The following ZNF217 variants were observed in gnomAD, a reference collection of about 807,000 sequenced individuals.
The protein encoded by ZNF217 is zinc finger protein 217.
A neutral mutation model predicts 73.3 loss-of-function variants in ZNF217; 12 were observed. That is an observed-to-expected ratio of 0.16 (90% confidence interval 0.10 to 0.27). The LOEUF (loss-of-function observed/expected upper bound fraction) is 0.27. ZNF217 is among the 10% of genes least tolerant of loss of function. The pLI, the probability that ZNF217 is intolerant of heterozygous loss-of-function variation, is 1.00. For missense variants in ZNF217, 1,195 were observed against 1,327.8 expected (o/e 0.90, Z 1.55); for synonymous variants, 588 against 516.4 (o/e 1.14, Z -1.88).
intron 4 of ZNF217, chr20:53,575,398 A>C: frequency 5.1e-6 from 1 of 196,982 alleles, no homozygotes; most frequent in Non-Finnish European, 1.0e-5. Flanking sequence ...TCTTGAACTC[A>C]GGAATTCAAG....
rs766744159 is a variant in ZNF217 at position 53,581,570 on chromosome 20, C to T, written c.1257G>A (p.Thr419=). The change falls in exon 2 of 6, where the codon ACG becomes ACA. Residue 419 remains threonine, a synonymous_variant. Transcript: ENST00000371471. This position sits in a 1 kb window ranked among gnomAD's most constrained non-coding sequence, Gnocchi z 4.9. ...GAGGGGCGGCGAGGTCAGGAGAACACGTCCCCGGCTGCCTCCCGTCCACAG... is the reference window on the plus strand; with the variant it reads ...GAGGGGCGGCGAGGTCAGGAGAACATGTCCCCGGCTGCCTCCCGTCCACAG... The part of the protein sequence containing the change: ...TMSVDGRQPG[T]CSPDLAAPLD... 8 of 1,614,246 alleles carry T rather than the reference C, an allele frequency of 5.0e-6. No homozygotes were observed. The highest frequency in any genetic ancestry group is 3.3e-5 in the South Asian group (3 of 91,086).
Position 53,581,675 on chromosome 20 carries a change from G to A in ZNF217, c.1152C>T (p.Phe384=), listed in dbSNP as rs747850683. 1.2e-6 allele frequency: 2 copies of A among 1,614,256 alleles called. No individual in the cohort carries two copies. The highest frequency in any genetic ancestry group is 8.5e-7 in the Non-Finnish European group (1 of 1,180,044). Residue 384 remains phenylalanine (F), a synonymous_variant, in exon 2 of 6, where the codon TTC becomes TTT. Coordinates refer to ENST00000371471, the MANE Select transcript of ZNF217 (RefSeq NM_006526.3). This position sits in a 1 kb window ranked among gnomAD's most constrained non-coding sequence, Gnocchi z 4.9. ...GCAAGACCAGCTGGTGGTAGGTTCT[G>A]AAAGCTTTGCCGCACTCGGAGCAGT... ...PTHCSECGKA[F]RTYHQLVLHS... is the part of the protein sequence containing the mutation.
chr20:53,587,596 A>G (rs971901361), intron 1 of ZNF217, among the ~76,000 whole-genome samples: 21 of 152,152 alleles, frequency 1.4e-4, no homozygotes, highest in Non-Finnish European at 2.2e-4. Flanking sequence ...ACACAGAAAA[A>G]TTATATTTAT....
intron 1 of ZNF217, among the ~76,000 whole-genome samples, chr20:53,585,452 T>G (rs6022602): frequency 0.018 from 2,722 of 152,166 alleles, 97 homozygotes; most frequent in African/African-American, 0.062. Context: ...CCCAGCTATT[T>G]GGGAATCACT....
chr20:53,591,706 C>G (rs2145982270), intron 1 of ZNF217, among the ~76,000 whole-genome samples: 1 of 152,324 alleles, frequency 6.6e-6, no homozygotes, highest in African/African-American at 2.4e-5. Flanking sequence ...ATTAAGTAAG[C>G]ACAAACTAGT....
chr20:53,577,165 G>T lies in ZNF217; in HGVS notation c.1599C>A (p.Val533=), dbSNP rs1988314525. 6.2e-7 allele frequency: 1 copy of T among 1,613,866 alleles called. No individual in the cohort carries two copies. Among genetic ancestry groups the T allele is most frequent in the Non-Finnish European group, 8.5e-7 (1 of 1,180,042 alleles). The change falls in exon 4 of 6, where the codon GTC becomes GTA. Residue 533 remains valine, a synonymous_variant. Transcript: ENST00000371471. ...TGTCCTGATTTTTACCATCGTTCTT[G>T]ACTTCAGCAGCAACATCGGTTTGTT... ...KEKQTDVAAE[V]KNDGKNQDTE...
rs757318330 is a variant in ZNF217 at position 53,582,535 on chromosome 20, G to A, written c.292C>T (p.Leu98Phe). Reference sequence around the variant, plus strand: ...CTGAGATACTCTGCTTCAACCCGAAGAACTGCTGGTTCACAGAGGGTAGGC... The same window carrying A: ...CTGAGATACTCTGCTTCAACCCGAAAAACTGCTGGTTCACAGAGGGTAGGC... ...HRPTLCEPAV[L>F]RVEAEYLSPL... is the part of the protein sequence containing the mutation. The change falls in exon 2 of 6, where the codon CTT (leucine) becomes TTT (phenylalanine). Residue 98 changes from leucine (L) to phenylalanine (F), a missense_variant. By Grantham distance (22) the Leu-to-Phe change is conservative. Coordinates refer to ENST00000371471, the MANE Select transcript of ZNF217 (RefSeq NM_006526.3). The surrounding 1 kb of genome is among the most constrained non-coding windows in gnomAD (Gnocchi z 4.8). 1.2e-6 allele frequency: 2 copies of A among 1,614,186 alleles called. No individual in the cohort carries two copies. The highest frequency in any genetic ancestry group is 1.7e-6 in the Non-Finnish European group (2 of 1,180,044).
rs1409775736 is a variant in ZNF217 at position 53,567,831 on chromosome 20, T to A, written c.*1457A>T. 1 of 152,108 alleles carries A rather than the reference T, an allele frequency of 6.6e-6. No homozygotes were observed. Among genetic ancestry groups the A allele is most frequent in the East Asian group, 1.9e-4 (1 of 5,190 alleles). The allele number at this position is 152,108 out of a possible 1,614,324, so 9.4% of individuals were successfully genotyped here. The stretch of plus-strand genomic sequence containing the variant: ...AGGAGGACATCTTACGTTGCATAAT[T>A]TAAAAAAAAAAAATTTTTTCTAGGA... On this transcript the variant is annotated 3_prime_UTR_variant, in exon 6 of 6. Transcript: ENST00000371471.
At position 53,568,580 on chromosome 20, in the gene ZNF217, G is replaced by A. The variant is rs1987844366; in HGVS notation, c.*708C>T. On this transcript the variant is annotated 3_prime_UTR_variant, in exon 6 of 6. Transcript: ENST00000371471. Reference sequence around the variant, plus strand: ...ACAATCTGGAGAGGCGAGGAAGAAGGTGCCTTCCCCATCTGAGATGCTCAA... The same window carrying A: ...ACAATCTGGAGAGGCGAGGAAGAAGATGCCTTCCCCATCTGAGATGCTCAA... 1.3e-5 allele frequency: 2 copies of A among 152,092 alleles called. No homozygotes were observed. Among genetic ancestry groups the A allele is most frequent in the Non-Finnish European group, 2.9e-5 (2 of 68,064 alleles). 9.4% of individuals were successfully genotyped at this position (152,092 alleles called of 1,614,324 possible). A position where few individuals can be genotyped will look rare whatever the true frequency, so the allele number is the denominator to read the frequency against.
intron 5 of ZNF217, among the ~76,000 whole-genome samples, chr20:53,571,110 G>A (rs933130509): frequency 6.6e-6 from 1 of 152,200 alleles, no homozygotes; most frequent in Non-Finnish European, 1.5e-5. Context: ...CTTTATTGAT[G>A]ATGATGCATG....
chr20:53,582,759 A>T lies in ZNF217; in HGVS notation c.68T>A (p.Val23Glu). ...CGGACTGCCAAGAGAGCTGCCAATC[A>T]CTTCTGGCCCATCCATGTACATTAA... ...SLLMYMDGPEVIGSSLGSPME... is the reference protein window; with the variant it reads ...SLLMYMDGPEEIGSSLGSPME... Residue 23 changes from valine to glutamate, a missense_variant, in exon 2 of 6, where the codon GTG becomes GAG. Val to Glu is a moderately radical substitution (Grantham distance 121). Coordinates refer to ENST00000371471, the MANE Select transcript of ZNF217 (RefSeq NM_006526.3). This position sits in a 1 kb window ranked among gnomAD's most constrained non-coding sequence, Gnocchi z 4.8. The T allele has an allele frequency of 1.2e-6, 2 of 1,613,960 alleles. No homozygotes were observed. Among genetic ancestry groups the T allele is most frequent in the Non-Finnish European group, 1.7e-6 (2 of 1,179,974 alleles).
At position 53,576,097 on chromosome 20, in the gene ZNF217, G is replaced by A. The variant is rs1988252220; in HGVS notation, c.2667C>T (p.Asp889=). 1 of 1,614,134 alleles carries A rather than the reference G, an allele frequency of 6.2e-7. No homozygotes were observed. Among genetic ancestry groups the A allele is most frequent in the Admixed American group, 1.7e-5 (1 of 60,008 alleles). Residue 889 remains aspartate, a synonymous_variant, in exon 4 of 6, where the codon GAC becomes GAT. Transcript: ENST00000371471. ...NGSIDYPAKN[D]SPWAPPGRDY... The stretch of plus-strand genomic sequence containing the variant: ...CTCTTCCCGGAGGTGCCCACGGGCT[G>A]TCGTTCTTGGCGGGGTAGTCGATGG...
At chr20:53,587,202 G>A (rs1229993465) in intron 1 of ZNF217, among the ~76,000 whole-genome samples, 1 of 152,138 alleles carries the variant, frequency 6.6e-6, no homozygotes, top group Non-Finnish European at 1.5e-5. Context: ...AATCCAGTAG[G>A]AACCATATTG....
At chr20:53,595,544 T>C (rs1989027110), upstream of ZNF217, among the ~76,000 whole-genome samples, 1 of 152,218 alleles carries the variant, frequency 6.6e-6, no homozygotes, top group African/African-American at 2.4e-5. Context: ...TCATTTTATA[T>C]ATAACTACTA....
chr20:53,582,213 A>C lies in ZNF217; in HGVS notation c.614T>G (p.Val205Gly), dbSNP rs1244939190. 5 of 1,614,128 alleles carry C rather than the reference A, an allele frequency of 3.1e-6. No individual in the cohort carries two copies. In the East Asian group the frequency reaches 1.1e-4, roughly 36 times the overall value. ...SPATINEVVQVHAAESISSPY... is the reference protein window; with the variant it reads ...SPATINEVVQGHAAESISSPY... ...AGAGGAGATGCTCTCGGCCGCGTGC[A>C]CCTGGACGACCTCGTTGATCGTTGC... Residue 205 changes from valine to glycine, a missense_variant, in exon 2 of 6, where the codon GTG becomes GGG. Physicochemically the swap from Val to Gly is moderately radical, Grantham distance 109. Around this residue, in one of 9 missense-constraint regions of ZNF217, gnomAD observed 126 missense variants for 114.4 expected, o/e 1.10. Coordinates refer to ENST00000371471, the MANE Select transcript of ZNF217 (RefSeq NM_006526.3). The surrounding 1 kb of genome is among the most constrained non-coding windows in gnomAD (Gnocchi z 4.8).
At chr20:53,577,871 G>A (rs1988340759) in intron 3 of ZNF217, among the ~76,000 whole-genome samples, 1 of 152,218 alleles carries the variant, frequency 6.6e-6, no homozygotes, top group Non-Finnish European at 1.5e-5. Context: ...CAACACTATG[G>A]GAGGCCAAGG....
At chr20:53,571,621 G>C in intron 5 of ZNF217, 100 bp downstream of exon 5, 2 of 1,389,512 alleles carry the variant, frequency 1.4e-6, no homozygotes, top group African/African-American at 3.0e-5. Context: ...TGGCCAAGCT[G>C]GTCTCAAATG....
chr20:53,578,477 A>T (rs1238335507), intron 2 of ZNF217, 27 bp from the exon 3 acceptor site: 1 of 1,433,884 alleles, frequency 7.0e-7, no homozygotes, highest in Non-Finnish European at 9.5e-7. Flanking sequence ...AAATATTTAT[A>T]TAAGAAGGTA....
intron 1 of ZNF217, 65 bp from the exon 2 acceptor site, chr20:53,583,233 G>C (rs1988574513): frequency 7.4e-6 from 3 of 403,386 alleles, no homozygotes; most frequent in Non-Finnish European, 1.3e-5. Context: ...GTGTGGGTGA[G>C]TCATACGGTC....
Sources: allele counts gnomAD v4.1 joint callset (sites outside exome capture counted in the v4.1 genomes callset), GRCh38; gene constraint gnomAD v4.1.1; regional missense constraint gnomAD v4.1.1; non-coding constraint Gnocchi (gnomAD v3.1); transcripts MANE v1.5; gene names NCBI Gene and HGNC (gene_info 2026-07-23, HGNC 2026-07-21).